Variants in C8orf89 observed in about 807,000 individuals in gnomAD.
The protein encoded by C8orf89 is putative uncharacterized protein C8orf89.
Under a neutral mutation model 15.8 loss-of-function variants are expected in C8orf89, and 14 were observed. The observed-to-expected ratio is 0.89, with a 90% CI of 0.59 to 1.39. C8orf89 has a LOEUF of 1.39. Among genes scored for constraint, C8orf89 ranks in the 40% most tolerant of loss-of-function variants. C8orf89 has a pLI of 0.00. For synonymous variants in C8orf89, 55 were observed against 62.2 expected (o/e 0.88, Z 0.54); for missense variants, 181 against 184.5 (o/e 0.98, Z 0.11).
chr8:73,242,813 CA>C (rs1813034494), intron 3 of C8orf89, among the ~76,000 whole-genome samples: 1 of 152,118 alleles, frequency 6.6e-6, no homozygotes, highest in Non-Finnish European at 1.5e-5. Context: ...GACATATACC[CA>C]AAAGAAGGGA....
the C8orf89 span, among the ~76,000 whole-genome samples, chr8:73,281,031 TA>T: frequency 6.6e-6 from 1 of 152,136 alleles, no homozygotes; most frequent in Admixed American, 6.5e-5. Context: ...TATATTGGTG[TA>T]ATATTTCCAG....
Position 73,252,171 on chromosome 8 carries a change from A to G in C8orf89, c.282-1848T>C, listed in dbSNP as rs561203576. On this transcript the variant is annotated intron_variant, in intron 2 of 3. Coordinates refer to ENST00000624510, the MANE Select transcript of C8orf89 (RefSeq NM_001243237.3). The stretch of plus-strand genomic sequence containing the variant: ...TAGCTTGAAAATCTTTCTTCAGATA[A>G]TATTAAAAATGATGACAAAAGCTAT... Among the ~76,000 whole-genome samples the G allele has an allele frequency of 2.0e-5, 3 of 152,334 alleles. No individual in the cohort carries two copies. In the East Asian group the frequency reaches 5.8e-4, roughly 29 times the overall value.
chr8:73,259,205 A>G lies in C8orf89; in HGVS notation c.127+127T>C, dbSNP rs368134342. 154 of 557,464 alleles carry G rather than the reference A, an allele frequency of 2.8e-4. 1 individual carries two copies. In the South Asian group the frequency reaches 7.1e-3, roughly 26 times the overall value. The allele number at this position is 557,464 out of a possible 1,614,324, so 34.5% of individuals were successfully genotyped here. ...TAGTTTGCTTCCATTTTTCTTTTTCATCAATTTAAGATATAATTCTTACAT... is the reference window on the plus strand; with the variant it reads ...TAGTTTGCTTCCATTTTTCTTTTTCGTCAATTTAAGATATAATTCTTACAT... On this transcript the variant is annotated intron_variant, in intron 1 of 3. Transcript: ENST00000624510.
chr8:73,249,233 G>A (rs1168188983), intron 3 of C8orf89, among the ~76,000 whole-genome samples: 3 of 152,048 alleles, frequency 2.0e-5, no homozygotes, highest in Non-Finnish European at 2.9e-5. Flanking sequence ...TATTGATTTG[G>A]GTATGTTGAA....
the C8orf89 span, among the ~76,000 whole-genome samples, chr8:73,282,027 A>G: frequency 6.6e-6 from 1 of 152,360 alleles, no homozygotes; most frequent in Non-Finnish European, 1.5e-5. Context: ...TTGTTATGTG[A>G]GCAAGAAATA....
At chr8:73,274,405 C>T in the C8orf89 span, among the ~76,000 whole-genome samples, 57 of 152,250 alleles carry the variant, frequency 3.7e-4, no homozygotes, top group Non-Finnish European at 7.5e-4. Context: ...CCCACCTCGG[C>T]CTCCCAAAGT....
the C8orf89 span, among the ~76,000 whole-genome samples, chr8:73,266,408 T>C: frequency 0.014 from 2,071 of 152,296 alleles, 22 homozygotes; most frequent in Middle Eastern, 0.02. Context: ...TGGGAAAAGA[T>C]GGCTGGAATA....
chr8:73,250,351 A>G, intron 2 of C8orf89, 28 bp from the exon 3 acceptor site: 1 of 1,340,658 alleles, frequency 7.5e-7, no homozygotes, highest in Non-Finnish European at 1.0e-6. Context: ...TCATAAAATT[A>G]CTTACATATA....
chr8:73,255,515 T>G (rs1447181678), intron 2 of C8orf89, among the ~76,000 whole-genome samples: 1 of 152,176 alleles, frequency 6.6e-6, no homozygotes, highest in East Asian at 1.9e-4. Context: ...TTGGTGGGAC[T>G]GTAAACTAGT....
At chr8:73,284,533 A>G in the C8orf89 span, among the ~76,000 whole-genome samples, 1 of 152,094 alleles carries the variant, frequency 6.6e-6, no homozygotes, top group Admixed American at 6.5e-5. Context: ...TAAGTGAAAA[A>G]AGACATTTCT....
upstream of C8orf89, among the ~76,000 whole-genome samples, chr8:73,261,683 G>A (rs115675048): frequency 6.6e-6 from 1 of 152,200 alleles, no homozygotes; most frequent in Non-Finnish European, 1.5e-5. Context: ...TGAAATGGCA[G>A]TGTTGGCAGC....
chr8:73,269,117 G>GA, the C8orf89 span, among the ~76,000 whole-genome samples: 22 of 151,672 alleles, frequency 1.5e-4, no homozygotes, highest in Admixed American at 1.2e-3. Context: ...TCTTTTTAGT[G>GA]AAAAAAAAGA....
intron 3 of C8orf89, among the ~76,000 whole-genome samples, chr8:73,249,316 G>A (rs1788722415): frequency 6.6e-6 from 1 of 152,160 alleles, no homozygotes; most frequent in South Asian, 2.1e-4. Flanking sequence ...GCTGGATTCA[G>A]CTTGCCAGTA....
At chr8:73,278,474 C>A in the C8orf89 span, among the ~76,000 whole-genome samples, 1 of 152,168 alleles carries the variant, frequency 6.6e-6, no homozygotes, top group African/African-American at 2.4e-5. Flanking sequence ...GGGGCCAAAC[C>A]ACCTGGCCCC....
At chr8:73,277,354 C>A in the C8orf89 span, 1 of 891,084 alleles carries the variant, frequency 1.1e-6, no homozygotes, top group Non-Finnish European at 1.7e-6. Context: ...GGCAGTTTCA[C>A]ACGATCATTT....
chr8:73,250,197 A>AT (rs1015552480), intron 3 of C8orf89, 71 bp downstream of exon 3: 82 of 934,894 alleles, frequency 8.8e-5, no homozygotes, highest in Non-Finnish European at 1.1e-4. Context: ...AAAGAAAGGA[A>AT]TTTTTTTTAA....
the C8orf89 span, among the ~76,000 whole-genome samples, chr8:73,272,238 G>A: frequency 6.6e-6 from 1 of 152,056 alleles, no homozygotes; most frequent in Non-Finnish European, 1.5e-5. Flanking sequence ...CATTTTCTAA[G>A]TTCCTTTTTC....
the C8orf89 span, among the ~76,000 whole-genome samples, chr8:73,276,985 T>G: frequency 6.6e-6 from 1 of 151,834 alleles, no homozygotes; most frequent in Non-Finnish European, 1.5e-5. Context: ...TTTTGTGTTT[T>G]TAGTAGAGAC....
chr8:73,273,698 A>G, the C8orf89 span, among the ~76,000 whole-genome samples: 1 of 150,638 alleles, frequency 6.6e-6, no homozygotes, highest in African/African-American at 2.4e-5. Flanking sequence ...TTCCACGTGA[A>G]GTCTGCGCCC....
Sources: allele counts gnomAD v4.1 joint callset (sites outside exome capture counted in the v4.1 genomes callset), GRCh38; gene constraint gnomAD v4.1.1; transcripts MANE v1.5; gene names NCBI Gene and HGNC (gene_info 2026-07-23, HGNC 2026-07-21).